Variants in GRHL1 observed in about 807,000 individuals in gnomAD.
The protein encoded by GRHL1 is grainyhead like transcription factor 1, also known as grainyhead-like protein 1 homolog.
Under a neutral mutation model 75.7 loss-of-function variants are expected in GRHL1, and 38 were observed. The observed-to-expected ratio is 0.50, with a 90% CI of 0.39 to 0.66. The LOEUF is 0.66. GRHL1 is among the 30% of genes least tolerant of loss of function. GRHL1 has a pLI of 0.00. For synonymous variants in GRHL1, 266 were observed against 279.4 expected, an observed-to-expected ratio of 0.95 and a Z score of 0.48; for missense variants, 589 against 767.5, an observed-to-expected ratio of 0.77 and a Z score of 2.75.
rs745751209 is a variant in GRHL1 at position 9,992,983 on chromosome 2, A to G, written c.1462-224A>G. On this transcript the variant is annotated intron_variant, in intron 11 of 15. Transcript: ENST00000324907. The surrounding 1 kb of genome is among the most constrained non-coding windows in gnomAD (Gnocchi z 4.6). Reference sequence around the variant, plus strand: ...GAATGAATGAGCGTGGCTTTGTTTCAGTAAAGACTTTATTTACATGAACTG... The same window carrying G: ...GAATGAATGAGCGTGGCTTTGTTTCGGTAAAGACTTTATTTACATGAACTG... Among the ~76,000 whole-genome samples the G allele has an allele frequency of 2.4e-4, 36 of 152,242 alleles. No individual in the cohort carries two copies. The highest frequency in any genetic ancestry group is 2.1e-3 in the Admixed American group (32 of 15,284).
At chr2:9,985,258 A>G (rs1436277041) in intron 8 of GRHL1, among the ~76,000 whole-genome samples, 1 of 152,186 alleles carries the variant, frequency 6.6e-6, no homozygotes, top group Non-Finnish European at 1.5e-5. Flanking sequence ...AAATAGACCC[A>G]CCAGCATAAC....
At chr2:9,952,691 A>T (rs1051680860) in intron 1 of GRHL1, among the ~76,000 whole-genome samples, 14 of 152,234 alleles carry the variant, frequency 9.2e-5, no homozygotes, top group African/African-American at 3.4e-4. Context: ...AAAATATAAA[A>T]TTGTCCTAAA....
At chr2:9,964,386 A>C (rs369344110) in intron 7 of GRHL1, 40 bp downstream of exon 7, 2 of 1,052,740 alleles carry the variant, frequency 1.9e-6, no homozygotes, top group African/African-American at 3.2e-5. Context: ...CCAGAGGTGC[A>C]GCCATCCAGT....
chr2:9,954,789 A>G lies in GRHL1; in HGVS notation c.21-126A>G, dbSNP rs945492337. On this transcript the variant is annotated intron_variant, in intron 1 of 15. Coordinates refer to ENST00000324907, the MANE Select transcript of GRHL1 (RefSeq NM_198182.3). ...TGGTTTGTCTTCTGGTCTTGTCTTAATTTGACTTCCTAGGGTCATTGATGA... is the reference window on the plus strand; with the variant it reads ...TGGTTTGTCTTCTGGTCTTGTCTTAGTTTGACTTCCTAGGGTCATTGATGA... 3.6e-6 allele frequency: 3 copies of G among 833,572 alleles called. No individual in the cohort carries two copies. In the Admixed American group the frequency reaches 6.1e-5, roughly 17 times the overall value. The allele number at this position is 833,572 out of a possible 1,614,324, so 51.6% of individuals were successfully genotyped here. A position where few individuals can be genotyped will look rare whatever the true frequency, so the allele number is the denominator to read the frequency against.
rs899829820 is a variant in GRHL1, at chr2:10,001,317, A to C, written c.*610A>C. 1 of 152,618 alleles carries C rather than the reference A, an allele frequency of 6.6e-6. No homozygotes were observed. Among genetic ancestry groups the C allele is most frequent in the African/African-American group, 2.4e-5 (1 of 41,444 alleles). The allele number at this position is 152,618 out of a possible 1,614,324, so 9.5% of individuals were successfully genotyped here. On this transcript the variant is annotated 3_prime_UTR_variant, in exon 16 of 16. Coordinates refer to ENST00000324907, the MANE Select transcript of GRHL1 (RefSeq NM_198182.3). Reference sequence around the variant, plus strand: ...AACTGCCTTTCTCATGAAGAATTTTAATGGGTTACAGTATGAAATCAGTTA... The same window carrying C: ...AACTGCCTTTCTCATGAAGAATTTTCATGGGTTACAGTATGAAATCAGTTA...
intron 8 of GRHL1, among the ~76,000 whole-genome samples, chr2:9,974,426 T>C (rs949925336): frequency 5.3e-5 from 8 of 152,256 alleles, no homozygotes; most frequent in African/African-American, 1.9e-4. Flanking sequence ...TTTTTTCTTT[T>C]CTTCCTTCTA....
At chr2:9,986,026 A>G in intron 8 of GRHL1, 98 bp from the exon 9 acceptor site, 1 of 803,894 alleles carries the variant, frequency 1.2e-6, no homozygotes, top group South Asian at 2.5e-5. Flanking sequence ...CTCATTTAAA[A>G]TAGACTTGAG....
chr2:9,998,645 C>CATAT (rs1198028553), intron 14 of GRHL1, among the ~76,000 whole-genome samples: 7 of 46,596 alleles, frequency 1.5e-4, no homozygotes, highest in African/African-American at 9.1e-4. Flanking sequence ...TATATGTACA[C>CATAT]ATATACATAT....
chr2:9,979,151 C>CAAAAAAAAAAAAAAAAAAAAAAAAAAA (rs1227015836), intron 8 of GRHL1, among the ~76,000 whole-genome samples: 27 of 60,350 alleles, frequency 4.5e-4, no homozygotes, highest in Admixed American at 7.2e-4. Flanking sequence ...GACTCTCTCT[C>CAAAAAAAAAAAAAAAAAAAAAAAAAAA]AAAAAAAAAA....
chr2:9,980,219 C>T (rs1002436775), intron 8 of GRHL1, among the ~76,000 whole-genome samples: 5 of 151,236 alleles, frequency 3.3e-5, no homozygotes, highest in Admixed American at 6.6e-5. Flanking sequence ...ACTTGGCAGA[C>T]GCAGCCAGGT....
In GRHL1 at chr2:9,987,304, G is replaced by A. The variant is rs1018366931; in HGVS notation, c.1269+1022G>A. On this transcript the variant is annotated intron_variant, in intron 9 of 15. Transcript: ENST00000324907. The surrounding 1 kb of genome is among the most constrained non-coding windows in gnomAD (Gnocchi z 4.2). ...AGCTTTTAATTATTGTTTTGGCCTT[G>A]CAAAGACACATTATGTAGAGATTTT... is the stretch of plus-strand genomic sequence containing the variant. Among the ~76,000 whole-genome samples the A allele has an allele frequency of 6.6e-6, 1 of 152,192 alleles. No individual in the cohort carries two copies. Among genetic ancestry groups the A allele is most frequent in the African/African-American group, 2.4e-5 (1 of 41,440 alleles).
At chr2:9,961,973 C>G (rs1667298943) in intron 4 of GRHL1, among the ~76,000 whole-genome samples, 1 of 152,110 alleles carries the variant, frequency 6.6e-6, no homozygotes, top group South Asian at 2.1e-4. Flanking sequence ...AGAAACCATA[C>G]TTAGTGACTT....
At chr2:9,979,151 C>CAAA (rs1227015836) in intron 8 of GRHL1, among the ~76,000 whole-genome samples, 1,631 of 60,322 alleles carry the variant, frequency 0.027, 65 homozygotes, top group Non-Finnish European at 0.036. Context: ...GACTCTCTCT[C>CAAA]AAAAAAAAAA....
intron 8 of GRHL1, chr2:9,966,410 G>GA (rs141677285): frequency 0.31 from 46,161 of 147,736 alleles, 8,092 homozygotes; most frequent in African/African-American, 0.49. Flanking sequence ...CCAAAAAAAA[G>GA]AAAAAAAAAA....
chr2:9,997,828 AAAAC>A (rs1236924644), intron 14 of GRHL1, among the ~76,000 whole-genome samples: 1 of 151,994 alleles, frequency 6.6e-6, no homozygotes, highest in Non-Finnish European at 1.5e-5. Context: ...CAAAAAAAAA[AAAAC>A]AACAAAAAAC....
At chr2:9,995,536 G>A (rs1220616850) in intron 12 of GRHL1, among the ~76,000 whole-genome samples, 1 of 149,506 alleles carries the variant, frequency 6.7e-6, no homozygotes, top group Admixed American at 6.7e-5. Flanking sequence ...CGTGATCCAT[G>A]ATTGCACCAC....
chr2:9,988,272 G>C (rs563107913), intron 9 of GRHL1, among the ~76,000 whole-genome samples: 1 of 152,122 alleles, frequency 6.6e-6, no homozygotes, highest in African/African-American at 2.4e-5. Flanking sequence ...TAATCATCCC[G>C]CGCTCCTGAG....
intron 8 of GRHL1, among the ~76,000 whole-genome samples, chr2:9,978,323 G>A (rs1304380013): frequency 6.6e-6 from 1 of 152,238 alleles, no homozygotes; most frequent in Non-Finnish European, 1.5e-5. Flanking sequence ...GGGCAGATGA[G>A]GGGATGGTGA....
intron 8 of GRHL1, among the ~76,000 whole-genome samples, chr2:9,974,032 C>A (rs553236478): frequency 6.6e-6 from 1 of 152,230 alleles, no homozygotes; most frequent in Non-Finnish European, 1.5e-5. Flanking sequence ...TCGCCCTTTT[C>A]TCTAAGTTCA....
Sources: allele counts gnomAD v4.1 joint callset (sites outside exome capture counted in the v4.1 genomes callset), GRCh38; gene constraint gnomAD v4.1.1; non-coding constraint Gnocchi (gnomAD v3.1); transcripts MANE v1.5; gene names NCBI Gene and HGNC (gene_info 2026-07-23, HGNC 2026-07-21).